Variants in RBFOX1 observed in about 807,000 individuals in gnomAD.
RBFOX1 encodes the protein RNA binding protein fox-1 homolog 1.
A neutral mutation model predicts 57.7 loss-of-function variants in RBFOX1; 8 were observed. The observed-to-expected ratio is 0.14, with a 90% confidence interval of 0.08 to 0.25. The LOEUF (loss-of-function observed/expected upper bound fraction) is 0.25. Ranked by LOEUF, RBFOX1 falls within the 10% of genes least tolerant of loss-of-function variation. The pLI, the probability that RBFOX1 is intolerant of heterozygous loss-of-function variation, is 1.00. For synonymous variants in RBFOX1, 326 were observed against 222.4 expected (o/e 1.47, Z -4.15); for missense variants, 611 against 548.5 (o/e 1.11, Z -1.14).
chr16:6,735,419 A>G (rs1390198994), intron 3 of RBFOX1, among the ~76,000 whole-genome samples: 1 of 152,164 alleles, frequency 6.6e-6, no homozygotes, highest in Non-Finnish European at 1.5e-5. Context: ...AAATAGGTAA[A>G]TGGATAGATA....
At chr16:6,986,894 G>C (rs1451756172) in intron 3 of RBFOX1, among the ~76,000 whole-genome samples, 3 of 152,130 alleles carry the variant, frequency 2.0e-5, no homozygotes, top group African/African-American at 7.2e-5. Flanking sequence ...AAGTTGCAGA[G>C]GGACCTGAAA....
chr16:5,400,569 T>A (rs2066687588), intron 1 of RBFOX1, among the ~76,000 whole-genome samples: 1 of 152,216 alleles, frequency 6.6e-6, no homozygotes, highest in African/African-American at 2.4e-5. Flanking sequence ...TCCCTTCTCA[T>A]TAAAAAGTCT....
intron 4 of RBFOX1, among the ~76,000 whole-genome samples, chr16:7,279,072 G>T (rs764947759): frequency 5.3e-5 from 8 of 150,466 alleles, no homozygotes; most frequent in Non-Finnish European, 8.9e-5. Context: ...TAAAAGTGAC[G>T]TAGGTTTCTG....
chr16:5,988,064 C>G (rs1428998048), intron 4 of RBFOX1, among the ~76,000 whole-genome samples: 3 of 152,184 alleles, frequency 2.0e-5, no homozygotes, highest in African/African-American at 4.8e-5. Flanking sequence ...GTGGCTGTCT[C>G]TACATACATG....
At chr16:5,804,819 A>G (rs1417249615) in intron 3 of RBFOX1, among the ~76,000 whole-genome samples, 3 of 152,110 alleles carry the variant, frequency 2.0e-5, no homozygotes, top group Non-Finnish European at 4.4e-5. Context: ...CCCCACATTA[A>G]TAATCAGAAT....
intron 4 of RBFOX1, among the ~76,000 whole-genome samples, chr16:7,289,405 AC>A (rs1568049992): frequency 6.6e-6 from 1 of 151,896 alleles, no homozygotes; most frequent in African/African-American, 2.4e-5. Flanking sequence ...CAACATTACC[AC>A]CACCATTATC....
chr16:7,225,920 A>ATATATATATATATATATATATATAT (rs71147674), intron 4 of RBFOX1, among the ~76,000 whole-genome samples: 4 of 140,968 alleles, frequency 2.8e-5, no homozygotes, highest in South Asian at 4.6e-4. Context: ...ATATATATAT[A>ATATATATATATATATATATATATAT]AATGTGAATG....
At chr16:6,957,684 C>T (rs373730283) in intron 3 of RBFOX1, among the ~76,000 whole-genome samples, 23 of 152,090 alleles carry the variant, frequency 1.5e-4, no homozygotes, top group African/African-American at 5.6e-4. Flanking sequence ...ATGCCTTAAC[C>T]TCAGGGGAAA....
At chr16:5,559,433 G>A (rs2045806889) in intron 2 of RBFOX1, among the ~76,000 whole-genome samples, 1 of 152,136 alleles carries the variant, frequency 6.6e-6, no homozygotes, top group South Asian at 2.1e-4. Context: ...TGAGGAAATA[G>A]ACTTATTTAC....
In RBFOX1 at chr16:6,736,568, A is replaced by G. The variant is rs143509054; in HGVS notation, c.-16+81918A>G. On this transcript the variant is annotated intron_variant, in intron 3 of 15. Transcript: ENST00000550418. The stretch of plus-strand genomic sequence containing the variant: ...TTTATTCACTCATTGAGTAATGGGC[A>G]TTTGGATTGGTTCCACGATTTTGCA... 4.5e-3 allele frequency among the ~76,000 whole-genome samples: 685 copies of G among 152,318 alleles called. 3 individuals carry two copies. Among genetic ancestry groups the G allele is most frequent in the African/African-American group, 0.015 (633 of 41,564 alleles).
intron 5 of RBFOX1, among the ~76,000 whole-genome samples, chr16:7,569,446 G>T (rs2092538611): frequency 6.6e-6 from 1 of 152,118 alleles, no homozygotes; most frequent in Non-Finnish European, 1.5e-5. Flanking sequence ...TTCTCACGGG[G>T]TGTTCACTCT....
At chr16:7,393,856 G>A (rs74012543) in intron 4 of RBFOX1, among the ~76,000 whole-genome samples, 2,238 of 152,198 alleles carry the variant, frequency 0.015, 59 homozygotes, top group African/African-American at 0.051. Context: ...AAGAATTCAG[G>A]TTGTCAGCAG....
chr16:5,466,728 T>A (rs1409668451), intron 1 of RBFOX1, among the ~76,000 whole-genome samples: 1 of 152,188 alleles, frequency 6.6e-6, no homozygotes, highest in East Asian at 1.9e-4. Flanking sequence ...GGTTTGATGG[T>A]TCTGGCTGCT....
At chr16:7,202,513 C>T (rs947897079) in intron 4 of RBFOX1, among the ~76,000 whole-genome samples, 10 of 152,190 alleles carry the variant, frequency 6.6e-5, no homozygotes, top group African/African-American at 2.2e-4. Flanking sequence ...AGCAGGGGTC[C>T]CCAGTCCCTG....
intron 4 of RBFOX1, among the ~76,000 whole-genome samples, chr16:7,114,031 G>T (rs554883470): frequency 8.2e-4 from 125 of 152,292 alleles, no homozygotes; most frequent in Non-Finnish European, 9.4e-4. Flanking sequence ...AATGTGCAAT[G>T]AATTTTATGA....
chr16:5,600,566 C>T (rs1224031125), downstream of RBFOX1, among the ~76,000 whole-genome samples: 2 of 151,870 alleles, frequency 1.3e-5, no homozygotes, highest in African/African-American at 4.8e-5. Context: ...AATGTTCCCT[C>T]CTCTTTATGC....
At chr16:7,362,309 CGT>C (rs949658477) in intron 4 of RBFOX1, among the ~76,000 whole-genome samples, 106 of 93,418 alleles carry the variant, frequency 1.1e-3, no homozygotes, top group East Asian at 3.9e-3. Context: ...CGTGTGTTTG[CGT>C]GTGTGTGTGT....
chr16:7,273,227 T>C lies in RBFOX1; in HGVS notation c.27+221129T>C, dbSNP rs767930671. Among the ~76,000 whole-genome samples, 1,266 of 127,366 alleles carry C rather than the reference T, an allele frequency of 9.9e-3. 65 individuals carry two copies. The highest frequency in any genetic ancestry group is 0.043 in the East Asian group (131 of 3,062). 83.6% of individuals were successfully genotyped at this position (127,366 alleles called of 152,430 possible). A position where few individuals can be genotyped will look rare whatever the true frequency, so the allele number is the denominator to read the frequency against. ...CTCCCTTCCTTCCTTCCTTCCTTCC[T>C]TCCTTCCTTCCTTCCTTCCTTCCTT... On this transcript the variant is annotated intron_variant, in intron 4 of 15. Coordinates refer to ENST00000550418, the MANE Select transcript of RBFOX1 (RefSeq NM_018723.4).
At position 5,947,023 on chromosome 16, in the gene RBFOX1, G is replaced by A. The variant is rs1274415547; in HGVS notation, c.351+79688G>A. 6.6e-6 allele frequency among the ~76,000 whole-genome samples: 1 copy of A among 152,158 alleles called. No homozygotes were observed. Among genetic ancestry groups the A allele is most frequent in the African/African-American group, 2.4e-5 (1 of 41,426 alleles). On this transcript the variant is annotated intron_variant, in intron 4 of 19. Coordinates refer to the RBFOX1 transcript ENST00000641259. The surrounding 1 kb of genome is among the most constrained non-coding windows in gnomAD (Gnocchi z 7.2). ...GGCCAGGAGTTTGAGACCAGCTCTA[G>A]CAATATAGTGACACCCCATCTGTAC...
Sources: allele counts gnomAD v4.1 joint callset (sites outside exome capture counted in the v4.1 genomes callset), GRCh38; gene constraint gnomAD v4.1.1; non-coding constraint Gnocchi (gnomAD v3.1); transcripts MANE v1.5; gene names NCBI Gene and HGNC (gene_info 2026-07-23, HGNC 2026-07-21).